The following SIDT1 variants were observed in gnomAD, a reference collection of about 807,000 sequenced individuals.
The protein encoded by SIDT1 is SID1 transmembrane family, member 1.
A neutral mutation model predicts 107.5 loss-of-function variants in SIDT1; 101 were observed. The ratio of observed to expected loss-of-function variants is 0.94; its 90% CI spans 0.80 to 1.11. The LOEUF (loss-of-function observed/expected upper bound fraction) is 1.11, where lower values mean the gene tolerates loss of function less well. SIDT1 is among the 50% of genes least tolerant of loss of function. The pLI is 0.00. For missense variants in SIDT1, 1,076 were observed against 1,058.2 expected (o/e 1.02, Z -0.23); for synonymous variants, 395 against 398.2 (o/e 0.99, Z 0.10).
At chr3:113,547,765 T>C (rs1939761570) in intron 1 of SIDT1, among the ~76,000 whole-genome samples, 1 of 152,110 alleles carries the variant, frequency 6.6e-6, no homozygotes, top group Admixed American at 6.5e-5. Context: ...CTGAAAAGCA[T>C]TTTAGGAGCT....
intron 21 of SIDT1, 137 bp downstream of exon 21, chr3:113,619,863 A>G: frequency 1.3e-6 from 1 of 755,934 alleles, no homozygotes; most frequent in Non-Finnish European, 2.2e-6. Flanking sequence ...AGAGACTCAA[A>G]AAAAGGTAGT....
chr3:113,603,763 T>G lies in SIDT1; in HGVS notation c.1264-197T>G, dbSNP rs546832645. On this transcript the variant is annotated intron_variant, in intron 12 of 24. Coordinates refer to ENST00000264852, the MANE Select transcript of SIDT1 (RefSeq NM_017699.3). ...TAAGGTATCATGGGAAAAACAACAT[T>G]AAAAGAAAAGTCTTAAATAATTTTA... Among the ~76,000 whole-genome samples the G allele has an allele frequency of 3.9e-5, 6 of 152,282 alleles. No homozygotes were observed. The South Asian group carries it at 1.2e-3, about 32-fold the overall frequency.
rs775238494 is a variant in SIDT1, at chr3:113,585,276, T to C, written c.1001+6T>C. 6.3e-7 allele frequency: 1 copy of C among 1,590,894 alleles called. No homozygotes were observed. The highest frequency in any genetic ancestry group is 2.2e-5 in the East Asian group (1 of 44,748). Reference sequence around the variant, plus strand: ...GGGTTTGTTCATTATCTGAGGTAGGTCAATCTTTTCTAGAAATGTTAATTC... The same window carrying C: ...GGGTTTGTTCATTATCTGAGGTAGGCCAATCTTTTCTAGAAATGTTAATTC... On this transcript the variant is annotated splice_donor_region_variant and intron_variant, in intron 9 of 24. Transcript: ENST00000264852.
At chr3:113,630,618 A>G (rs374293708), downstream of SIDT1, among the ~76,000 whole-genome samples, 26 of 152,352 alleles carry the variant, frequency 1.7e-4, 1 homozygote, top group Admixed American at 1.4e-3. Flanking sequence ...AAAGGGAGGA[A>G]CAAAGATAAA....
chr3:113,561,080 G>A (rs747341295), intron 1 of SIDT1, among the ~76,000 whole-genome samples: 8 of 152,188 alleles, frequency 5.3e-5, no homozygotes, highest in Non-Finnish European at 1.0e-4. Context: ...TAGCTCTTAG[G>A]AATGGCCTTT....
rs982148172 is a variant in SIDT1, at chr3:113,604,377, A to G, written c.1337+344A>G. ...AGGAAATAAGGGACAATGGGGCCACATGAAATTTCATAGTGGGACCATCAG... is the reference window on the plus strand; with the variant it reads ...AGGAAATAAGGGACAATGGGGCCACGTGAAATTTCATAGTGGGACCATCAG... On this transcript the variant is annotated intron_variant, in intron 13 of 24. Coordinates refer to ENST00000264852, the MANE Select transcript of SIDT1 (RefSeq NM_017699.3). Among the ~76,000 whole-genome samples the G allele has an allele frequency of 2.0e-5, 3 of 152,350 alleles. No individual in the cohort carries two copies. In the East Asian group the frequency reaches 5.8e-4, roughly 29 times the overall value.
chr3:113,567,631 T>C lies in SIDT1; in HGVS notation c.436T>C (p.Phe146Leu). ...GACGGGACCCTTGCAGCAACTGATATTTGTAGATGTCGCATCCATGGCACC... is the reference window on the plus strand; with the variant it reads ...GACGGGACCCTTGCAGCAACTGATACTTGTAGATGTCGCATCCATGGCACC... ...NETGPLQQLI[F>L]VDVASMAPLG... Residue 146 changes from phenylalanine to leucine, a missense_variant, in exon 3 of 25, where the codon TTT becomes CTT. Physicochemically the swap from Phe to Leu is conservative, Grantham distance 22. Transcript: ENST00000264852. 1 of 1,614,164 alleles carries C rather than the reference T, an allele frequency of 6.2e-7. No homozygotes were observed. The highest frequency in any genetic ancestry group is 1.3e-5 in the African/African-American group (1 of 75,042).
rs747797402 is a variant in SIDT1 at position 113,608,246 on chromosome 3, A to C, written c.1602+29A>C. On this transcript the variant is annotated intron_variant, in intron 16 of 24. Coordinates refer to ENST00000264852, the MANE Select transcript of SIDT1 (RefSeq NM_017699.3). ...AGGAAAGAGTGGGTAGGAGCTAGGA[A>C]GGGTTATGGATCCAAACAGGATCTG... The C allele has an allele frequency of 3.8e-6, 6 of 1,563,510 alleles. No individual in the cohort carries two copies. In the Admixed American group the frequency reaches 1.1e-4, roughly 29 times the overall value.
chr3:113,543,261 T>C (rs1225073328), intron 1 of SIDT1, among the ~76,000 whole-genome samples: 3 of 152,090 alleles, frequency 2.0e-5, no homozygotes, highest in Non-Finnish European at 2.9e-5. Context: ...GTTTTGAGAA[T>C]TCATGAGGCC....
At chr3:113,633,775 G>A (rs1160581101), downstream of SIDT1, among the ~76,000 whole-genome samples, 2 of 152,308 alleles carry the variant, frequency 1.3e-5, no homozygotes, top group Admixed American at 6.5e-5. Context: ...GATTGGGGAC[G>A]GGGGACTAAA....
intron 19 of SIDT1, chr3:113,615,029 T>A (rs1181267488): frequency 6.5e-7 from 1 of 1,535,550 alleles, no homozygotes; most frequent in Admixed American, 2.0e-5. Context: ...CTCTCTTTTT[T>A]TTCTCCTTTC....
chr3:113,546,553 T>C (rs959665394), intron 1 of SIDT1, among the ~76,000 whole-genome samples: 10 of 152,168 alleles, frequency 6.6e-5, no homozygotes, highest in Non-Finnish European at 1.3e-4. Context: ...TGAGTTTGGC[T>C]TTTTGGTTGT....
intron 1 of SIDT1, among the ~76,000 whole-genome samples, chr3:113,540,516 A>G (rs1056666710): frequency 1.3e-5 from 2 of 152,220 alleles, no homozygotes; most frequent in African/African-American, 2.4e-5. Context: ...ATGGGTGTTG[A>G]GTGAAATTAC....
intron 1 of SIDT1, among the ~76,000 whole-genome samples, chr3:113,550,677 G>A (rs1343072955): frequency 6.6e-6 from 1 of 151,962 alleles, no homozygotes; most frequent in East Asian, 1.9e-4. Flanking sequence ...ATAGGAAAGA[G>A]GTAGCTATAT....
At chr3:113,610,307 C>T (rs1945641871) in intron 17 of SIDT1, among the ~76,000 whole-genome samples, 1 of 152,080 alleles carries the variant, frequency 6.6e-6, no homozygotes, top group Non-Finnish European at 1.5e-5. Flanking sequence ...TCTATTTTAC[C>T]AAAAACTGAC....
In SIDT1 at chr3:113,603,940, CTT is replaced by C. The variant is rs1302941292; in HGVS notation, c.1264-16_1264-15del. Reference sequence around the variant, plus strand: ...AGAGCTGAGTACAGTTTTGCATTCTCTTTTTATTTGGCATTCCAGATGTTCCT... The same window carrying C: ...AGAGCTGAGTACAGTTTTGCATTCTCTTTATTTGGCATTCCAGATGTTCCT... On this transcript the variant is annotated intron_variant, in intron 12 of 24. Coordinates refer to ENST00000264852, the MANE Select transcript of SIDT1 (RefSeq NM_017699.3). 1 of 1,597,326 alleles carries C rather than the reference CTT, an allele frequency of 6.3e-7. No individual in the cohort carries two copies. Among genetic ancestry groups the C allele is most frequent in the East Asian group, 2.2e-5 (1 of 44,718 alleles).
chr3:113,540,968 C>A (rs1273209665), intron 1 of SIDT1, among the ~76,000 whole-genome samples: 1 of 151,986 alleles, frequency 6.6e-6, no homozygotes, highest in Non-Finnish European at 1.5e-5. Context: ...AGTTAATACC[C>A]TTAAAGAAAG....
intron 21 of SIDT1, among the ~76,000 whole-genome samples, chr3:113,622,160 T>C (rs3773683): frequency 0.32 from 48,697 of 151,966 alleles, 7,958 homozygotes; most frequent in Non-Finnish European, 0.35. Flanking sequence ...TATGTGGATG[T>C]GTATTCATCA....
chr3:113,607,368 C>T (rs1945411307), intron 15 of SIDT1, among the ~76,000 whole-genome samples: 1 of 152,188 alleles, frequency 6.6e-6, no homozygotes. Context: ...AGATCTCTAG[C>T]TCTGGTGGCA....
Sources: allele counts gnomAD v4.1 joint callset (sites outside exome capture counted in the v4.1 genomes callset), GRCh38; gene constraint gnomAD v4.1.1; transcripts MANE v1.5; gene names NCBI Gene and HGNC (gene_info 2026-07-23, HGNC 2026-07-21).